SPIDR: variants seen among roughly 807,000 people sequenced by gnomAD.
SPIDR encodes the protein DNA repair-scaffolding protein.
Under a neutral mutation model 104.6 loss-of-function variants are expected in SPIDR, and 93 were observed. The ratio of observed to expected loss-of-function variants is 0.89; its 90% CI spans 0.75 to 1.06. The LOEUF is 1.06. Among genes scored for constraint, SPIDR ranks in the 50% least tolerant of loss-of-function variants. The pLI is 0.00. For missense variants in SPIDR, 1,154 were observed against 1,111.2 expected (o/e 1.04, Z -0.55); for synonymous variants, 431 against 416.9 (o/e 1.03, Z -0.41).
At chr8:47,416,568 T>G (rs1435253313) in intron 7 of SPIDR, among the ~76,000 whole-genome samples, 1 of 152,188 alleles carries the variant, frequency 6.6e-6, no homozygotes, top group Non-Finnish European at 1.5e-5. Flanking sequence ...GGTGTTATGG[T>G]AAGGGCATGT....
intron 5 of SPIDR, among the ~76,000 whole-genome samples, chr8:47,346,751 G>C (rs2052155591): frequency 6.6e-6 from 1 of 152,194 alleles, no homozygotes; most frequent in African/African-American, 2.4e-5. Flanking sequence ...TTTGCGTAGA[G>C]GTGTTTATAG....
At chr8:47,622,450 G>A (rs1027045390) in intron 10 of SPIDR, among the ~76,000 whole-genome samples, 7 of 152,144 alleles carry the variant, frequency 4.6e-5, no homozygotes, top group African/African-American at 1.4e-4. Context: ...GTAAGACTCG[G>A]CCTGAGTCAG....
At chr8:47,612,775 T>G (rs1480873594) in intron 10 of SPIDR, among the ~76,000 whole-genome samples, 1 of 152,192 alleles carries the variant, frequency 6.6e-6, no homozygotes, top group Non-Finnish European at 1.5e-5. Context: ...CAGAGTGTGC[T>G]CTGTTAATAT....
chr8:47,393,736 C>T (rs868979796), intron 5 of SPIDR, among the ~76,000 whole-genome samples: 4 of 105,958 alleles, frequency 3.8e-5, no homozygotes, highest in African/African-American at 1.5e-4. Context: ...TCCTTTCCTT[C>T]CTTTCATTCT....
intron 5 of SPIDR, among the ~76,000 whole-genome samples, chr8:47,385,272 A>G (rs1418586847): frequency 2.0e-5 from 3 of 152,100 alleles, no homozygotes; most frequent in Non-Finnish European, 2.9e-5. Context: ...GTCTTCCTAT[A>G]TATACATTAG....
chr8:47,456,873 A>G (rs1168756462), intron 8 of SPIDR, among the ~76,000 whole-genome samples: 1 of 152,032 alleles, frequency 6.6e-6, no homozygotes, highest in Non-Finnish European at 1.5e-5. Flanking sequence ...TCCATACCTG[A>G]GTTATTTCAC....
chr8:47,458,667 G>T (rs2073428718), intron 8 of SPIDR, among the ~76,000 whole-genome samples: 1 of 151,922 alleles, frequency 6.6e-6, no homozygotes, highest in South Asian at 2.1e-4. Flanking sequence ...AGGACTTCTA[G>T]TACTATGTTG....
chr8:47,657,944 C>T (rs919240512), intron 10 of SPIDR, among the ~76,000 whole-genome samples: 1 of 146,280 alleles, frequency 6.8e-6, no homozygotes, highest in African/African-American at 2.5e-5. Context: ...GTGGAATGAT[C>T]ACTTGAGCCC....
At chr8:47,685,477 T>TTTTTTTTA (rs2077632340) in intron 11 of SPIDR, among the ~76,000 whole-genome samples, 2 of 131,482 alleles carry the variant, frequency 1.5e-5, no homozygotes, top group African/African-American at 5.2e-5. Context: ...AGGTCAGTGG[T>TTTTTTTTA]TTTATTTATT....
chr8:47,589,487 T>C (rs540320697), intron 8 of SPIDR, among the ~76,000 whole-genome samples: 9 of 151,718 alleles, frequency 5.9e-5, no homozygotes, highest in Non-Finnish European at 1.0e-4. Context: ...ATCACACCAC[T>C]GCACTGCAGC....
chr8:47,638,067 GGA>G (rs768589989), intron 10 of SPIDR, among the ~76,000 whole-genome samples: 4 of 150,920 alleles, frequency 2.7e-5, no homozygotes, highest in Non-Finnish European at 4.4e-5. Context: ...TTTTTCCCTT[GGA>G]GTTATTTCAA....
intron 10 of SPIDR, among the ~76,000 whole-genome samples, chr8:47,635,620 G>A (rs1413547335): frequency 6.6e-6 from 1 of 152,200 alleles, no homozygotes; most frequent in African/African-American, 2.4e-5. Context: ...AGGAGGCTGA[G>A]GTCAGAGAAT....
chr8:47,610,511 C>T (rs938531512), intron 10 of SPIDR, among the ~76,000 whole-genome samples: 17 of 152,234 alleles, frequency 1.1e-4, no homozygotes, highest in Non-Finnish European at 2.4e-4. Context: ...CCTCTCCTCC[C>T]CTTTTGCCTC....
chr8:47,717,041 A>G lies in SPIDR; in HGVS notation c.2341+3400A>G, dbSNP rs866463985. ...GCAGACTGCCTGGCCCACGTGAGCC[A>G]GCGTGGAGCTGCTCTTTGGTGTACA... On this transcript the variant is annotated intron_variant, in intron 16 of 19. Transcript: ENST00000297423. Among the ~76,000 whole-genome samples, 8 of 152,170 alleles carry G rather than the reference A, an allele frequency of 5.3e-5. No homozygotes were observed. The South Asian group carries it at 1.7e-3, about 32-fold the overall frequency.
At chr8:47,291,198 A>G (rs2039839983) in intron 4 of SPIDR, 61 bp downstream of exon 4, 2 of 1,142,656 alleles carry the variant, frequency 1.8e-6, no homozygotes, top group East Asian at 2.5e-5. Context: ...TGTCCAGAAG[A>G]TCAGAGTAAT....
chr8:47,449,222 T>C (rs1272478660), intron 8 of SPIDR, among the ~76,000 whole-genome samples: 1 of 152,226 alleles, frequency 6.6e-6, no homozygotes, highest in African/African-American at 2.4e-5. Context: ...GGAAGACAAC[T>C]AAGTCTTTGG....
intron 10 of SPIDR, among the ~76,000 whole-genome samples, chr8:47,605,733 A>G (rs1057280557): frequency 6.6e-6 from 1 of 152,164 alleles, no homozygotes; most frequent in African/African-American, 2.4e-5. Flanking sequence ...GGGATGATGT[A>G]TGTGAAGTAC....
In SPIDR at chr8:47,736,144, C is replaced by CAA. The variant is rs2086215932; in HGVS notation, c.*696_*697dup. 1 of 153,906 alleles carries CAA rather than the reference C, an allele frequency of 6.5e-6. No individual in the cohort carries two copies. The highest frequency in any genetic ancestry group is 1.4e-5 in the Non-Finnish European group (1 of 69,154). The allele number at this position is 153,906 out of a possible 1,614,324, so 9.5% of individuals were successfully genotyped here. On this transcript the variant is annotated 3_prime_UTR_variant, in exon 20 of 20. Transcript: ENST00000297423. ...GTCAGTCGGATATTTGCTTTGCTGG[C>CAA]AAAGATTTAAACCAAGAATTAATTA...
intron 3 of SPIDR, among the ~76,000 whole-genome samples, chr8:47,289,983 C>G (rs1263603699): frequency 6.6e-6 from 1 of 152,068 alleles, no homozygotes; most frequent in Non-Finnish European, 1.5e-5. Flanking sequence ...GGAAATTATT[C>G]TGAGTGAAAA....
Sources: gnomAD v4.1 joint callset for allele counts (sites outside exome capture counted in the v4.1 genomes callset) on GRCh38, gnomAD v4.1.1 for gene constraint, MANE v1.5 for transcripts, NCBI Gene and HGNC (gene_info 2026-07-23, HGNC 2026-07-21) for gene names.